Variants in ZCCHC24 observed in about 807,000 individuals in gnomAD.
The protein encoded by ZCCHC24 is zinc finger CCHC-type containing 24.
A neutral mutation model predicts 26.2 loss-of-function variants in ZCCHC24; 10 were observed. The ratio of observed to expected loss-of-function variants is 0.38; its 90% CI spans 0.24 to 0.65. The LOEUF is 0.65. Ranked by LOEUF, ZCCHC24 falls within the 30% of genes least tolerant of loss-of-function variation. The pLI, the probability that ZCCHC24 is intolerant of heterozygous loss-of-function variation, is 0.54. For synonymous variants in ZCCHC24, 144 were observed against 147.1 expected, an observed-to-expected ratio of 0.98 and a Z score of 0.15; for missense variants, 243 against 329.1, an observed-to-expected ratio of 0.74 and a Z score of 2.03.
At chr10:79,391,820 CTCTG>C (rs900570414) in intron 3 of ZCCHC24, among the ~76,000 whole-genome samples, 5 of 151,654 alleles carry the variant, frequency 3.3e-5, no homozygotes, top group Admixed American at 3.3e-4. Flanking sequence ...CTCCTGCCTC[CTCTG>C]TCTGCTTGTC....
At chr10:79,424,842 C>G (rs1857004669) in intron 2 of ZCCHC24, among the ~76,000 whole-genome samples, 2 of 152,190 alleles carry the variant, frequency 1.3e-5, no homozygotes, top group Admixed American at 6.5e-5. Context: ...TGCTTGGAAG[C>G]CTTCCCCACT....
At chr10:79,432,814 AC>A in intron 1 of ZCCHC24, 56 bp from the exon 2 acceptor site, 2 of 1,556,662 alleles carry the variant, frequency 1.3e-6, no homozygotes, top group Non-Finnish European at 8.7e-7. Context: ...AAGTTCCATA[AC>A]CCCCCACCCA....
intron 2 of ZCCHC24, among the ~76,000 whole-genome samples, chr10:79,421,342 C>G (rs749088479): frequency 4.6e-5 from 7 of 152,162 alleles, no homozygotes; most frequent in Non-Finnish European, 8.8e-5. Context: ...CCTTCAGCAC[C>G]CATCCCCTGC....
chr10:79,415,024 G>C (rs1739111037), intron 2 of ZCCHC24, among the ~76,000 whole-genome samples: 1 of 152,174 alleles, frequency 6.6e-6, no homozygotes, highest in Admixed American at 6.5e-5. Flanking sequence ...CAGGTTTCCT[G>C]TCCCTGACTC....
intron 1 of ZCCHC24, chr10:79,444,375 G>T: frequency 1.3e-6 from 1 of 756,394 alleles, no homozygotes; most frequent in Non-Finnish European, 1.6e-6. Context: ...AAGAGGCGCT[G>T]CCCAGTCAAC....
intron 2 of ZCCHC24, among the ~76,000 whole-genome samples, chr10:79,402,055 C>T (rs1334163564): frequency 1.3e-5 from 2 of 152,228 alleles, no homozygotes; most frequent in East Asian, 1.9e-4. Context: ...GGGCGCAGGG[C>T]TGACCACGGA....
intron 3 of ZCCHC24, 30 bp downstream of exon 3, chr10:79,394,243 CCTT>C (rs1431808849): frequency 1.2e-6 from 2 of 1,603,076 alleles, no homozygotes; most frequent in African/African-American, 1.3e-5. Context: ...CTCCCGCGGT[CCTT>C]CTGAGAAGGC....
In ZCCHC24 at chr10:79,386,330, C is replaced by T. The variant is rs556425225; in HGVS notation, c.*15G>A. 57 of 1,608,408 alleles carry T rather than the reference C, an allele frequency of 3.5e-5. No homozygotes were observed. The highest frequency in any genetic ancestry group is 2.2e-4 in the East Asian group (10 of 44,758). On this transcript the variant is annotated 3_prime_UTR_variant, in exon 4 of 4. Transcript: ENST00000372336. ...GGCTGGCGGGGGGTGGCTCTGGGTG[C>T]GGGCGGGCAGCCCGTCACTGCACGC... is the stretch of plus-strand genomic sequence containing the variant.
chr10:79,394,113 T>A (rs755810632), intron 3 of ZCCHC24, among the ~76,000 whole-genome samples, 163 bp downstream of exon 3: 1 of 152,206 alleles, frequency 6.6e-6, no homozygotes, highest in African/African-American at 2.4e-5. Context: ...AGTTGCCCCA[T>A]CATCCTCCTT....
chr10:79,425,263 C>T (rs1589673916), intron 2 of ZCCHC24, among the ~76,000 whole-genome samples: 1 of 152,216 alleles, frequency 6.6e-6, no homozygotes, highest in South Asian at 2.1e-4. Context: ...CAGCAGATAT[C>T]AACCATGCCG....
At chr10:79,409,318 C>T (rs1167052408) in intron 2 of ZCCHC24, 2 of 152,338 alleles carry the variant, frequency 1.3e-5, no homozygotes, top group African/African-American at 4.8e-5. Flanking sequence ...AACTGTGACT[C>T]TTCCTCCAGG....
chr10:79,432,247 T>C (rs1212117436), intron 2 of ZCCHC24, among the ~76,000 whole-genome samples: 1 of 152,182 alleles, frequency 6.6e-6, no homozygotes, highest in Non-Finnish European at 1.5e-5. Flanking sequence ...AGGCCCCACC[T>C]AGCAAAAAAG....
rs995387793 is a variant in ZCCHC24 at position 79,382,861 on chromosome 10, T to A, written c.*3484A>T. The A allele has an allele frequency of 2.6e-5, 4 of 152,856 alleles. No homozygotes were observed. The highest frequency in any genetic ancestry group is 2.1e-4 in the South Asian group (1 of 4,832). The allele number at this position is 152,856 out of a possible 1,614,324, so 9.5% of individuals were successfully genotyped here. A position where few individuals can be genotyped will look rare whatever the true frequency, so the allele number is the denominator to read the frequency against. On this transcript the variant is annotated 3_prime_UTR_variant, in exon 4 of 4. Transcript: ENST00000372336. Reference sequence around the variant, plus strand: ...AAGCTCCCGAGCGGCGAGGCCAGGCTTTGCCCCACTTCTTCTTCCCTCCTG... The same window carrying A: ...AAGCTCCCGAGCGGCGAGGCCAGGCATTGCCCCACTTCTTCTTCCCTCCTG...
chr10:79,424,534 G>A lies in ZCCHC24; in HGVS notation c.447+8024C>T, dbSNP rs186924589. On this transcript the variant is annotated intron_variant, in intron 2 of 3. Transcript: ENST00000372336. Reference sequence around the variant, plus strand: ...CCCTCCCCTTCAGCTTCTGCTCACCGCTGTCTTGTGTCCAGTCATCAGTCC... The same window carrying A: ...CCCTCCCCTTCAGCTTCTGCTCACCACTGTCTTGTGTCCAGTCATCAGTCC... 4.6e-5 allele frequency among the ~76,000 whole-genome samples: 7 copies of A among 152,204 alleles called. No individual in the cohort carries two copies. The East Asian group carries it at 1.2e-3, about 25-fold the overall frequency.
intron 2 of ZCCHC24, chr10:79,409,203 C>T (rs1856758658): frequency 6.6e-6 from 1 of 152,294 alleles, no homozygotes; most frequent in Admixed American, 6.5e-5. Context: ...CTGGCCACTG[C>T]TTCTGCACAC....
chr10:79,424,803 G>A (rs1291646403), intron 2 of ZCCHC24, among the ~76,000 whole-genome samples: 2 of 152,138 alleles, frequency 1.3e-5, no homozygotes, highest in South Asian at 2.1e-4. Context: ...CACAGTGCCC[G>A]GAAAGCATAT....
At chr10:79,400,320 A>T (rs1208364871) in intron 2 of ZCCHC24, among the ~76,000 whole-genome samples, 3 of 152,270 alleles carry the variant, frequency 2.0e-5, no homozygotes, top group Non-Finnish European at 4.4e-5. Context: ...ATCTGGAATG[A>T]GCGAAACATT....
At chr10:79,436,203 C>T (rs1264241412) in intron 1 of ZCCHC24, among the ~76,000 whole-genome samples, 2 of 152,176 alleles carry the variant, frequency 1.3e-5, no homozygotes, top group African/African-American at 2.4e-5. Context: ...CCATGCCCAC[C>T]GCGCAGCTCT....
intron 1 of ZCCHC24, among the ~76,000 whole-genome samples, chr10:79,438,742 G>A (rs1414258960): frequency 6.6e-6 from 1 of 152,200 alleles, no homozygotes; most frequent in Admixed American, 6.5e-5. Context: ...GAGAAATAGG[G>A]AAAGGACCCA....
Sources: gnomAD v4.1 joint callset for allele counts (sites outside exome capture counted in the v4.1 genomes callset) on GRCh38, gnomAD v4.1.1 for gene constraint, MANE v1.5 for transcripts, NCBI Gene and HGNC (gene_info 2026-07-23, HGNC 2026-07-21) for gene names.